The following PLCB1 variants were observed in gnomAD, a reference collection of about 807,000 sequenced individuals.
The protein encoded by PLCB1 is phospholipase C beta 1.
Under a neutral mutation model 161.8 loss-of-function variants are expected in PLCB1, and 46 were observed. That is an observed-to-expected ratio of 0.28 (90% CI 0.22 to 0.36). PLCB1 has a LOEUF of 0.36. PLCB1 is among the 10% of genes least tolerant of loss of function. The probability of loss-of-function intolerance (pLI) is 1.00; values close to 1 mark genes in which losing one functional copy is unlikely to be tolerated. For missense variants in PLCB1, 1,016 were observed against 1,472.5 expected, an observed-to-expected ratio of 0.69 and a Z score of 5.07; for synonymous variants, 517 against 503.7, an observed-to-expected ratio of 1.03 and a Z score of -0.35.
intron 3 of PLCB1, among the ~76,000 whole-genome samples, chr20:8,442,974 GT>G (rs772350951): frequency 5.9e-4 from 82 of 139,520 alleles, no homozygotes; most frequent in African/African-American, 4.7e-4. Context: ...TGAGTTTCTT[GT>G]TTTTTTTTTT....
At chr20:8,151,748 T>C (rs1209093861) in intron 2 of PLCB1, among the ~76,000 whole-genome samples, 1 of 152,202 alleles carries the variant, frequency 6.6e-6, no homozygotes, top group East Asian at 1.9e-4. Context: ...GTACTTATAA[T>C]GCCTAGAGCA....
chr20:8,443,169 A>C (rs1980649070), intron 3 of PLCB1, among the ~76,000 whole-genome samples: 7 of 151,966 alleles, frequency 4.6e-5, no homozygotes, highest in Admixed American at 4.6e-4. Flanking sequence ...TTTAGTAGAG[A>C]TGGGGTTTCA....
chr20:8,201,298 C>G (rs889199133), intron 2 of PLCB1, among the ~76,000 whole-genome samples: 4 of 151,860 alleles, frequency 2.6e-5, no homozygotes, highest in Admixed American at 1.3e-4. Flanking sequence ...CTCTGTTTTT[C>G]TTATATTTTG....
chr20:8,546,854 A>G (rs1985571533), intron 3 of PLCB1, among the ~76,000 whole-genome samples: 1 of 151,996 alleles, frequency 6.6e-6, no homozygotes, highest in Non-Finnish European at 1.5e-5. Context: ...ATCATAATAA[A>G]TGAGTTCTTT....
rs1193001880 is a variant in PLCB1 at position 8,132,959 on chromosome 20, G to A, written c.99+209G>A. Among the ~76,000 whole-genome samples the A allele has an allele frequency of 5.9e-5, 9 of 152,254 alleles. No homozygotes were observed. In the East Asian group the frequency reaches 1.6e-3, roughly 26 times the overall value. On this transcript the variant is annotated intron_variant, in intron 1 of 31. Coordinates refer to ENST00000338037, the MANE Select transcript of PLCB1 (RefSeq NM_015192.4). This position sits in a 1 kb window ranked among gnomAD's most constrained non-coding sequence, Gnocchi z 5.2. ...CCTGTTTCATCGGGCTTCAGTAGTT[G>A]CCATCCTTTCTGGGTCTGGCAGGCG...
chr20:8,146,882 C>G (rs1268343914), intron 1 of PLCB1, among the ~76,000 whole-genome samples: 4 of 152,160 alleles, frequency 2.6e-5, no homozygotes, highest in African/African-American at 9.6e-5. Flanking sequence ...TAGAAATTTA[C>G]TGAACATTAT....
At chr20:8,210,694 G>T (rs1268664336) in intron 2 of PLCB1, among the ~76,000 whole-genome samples, 1 of 151,970 alleles carries the variant, frequency 6.6e-6, no homozygotes, top group Non-Finnish European at 1.5e-5. Context: ...TTCAATCCTT[G>T]GAGTTGTAGT....
chr20:8,488,037 A>T (rs1419559541), intron 3 of PLCB1, among the ~76,000 whole-genome samples: 1 of 152,246 alleles, frequency 6.6e-6, no homozygotes, highest in Admixed American at 6.5e-5. Flanking sequence ...ACATGGATTC[A>T]ATGAATTCCT....
intron 2 of PLCB1, among the ~76,000 whole-genome samples, chr20:8,297,340 C>G (rs900800845): frequency 6.6e-6 from 1 of 152,002 alleles, no homozygotes; most frequent in South Asian, 2.1e-4. Flanking sequence ...AATTGTCAAT[C>G]TTTCCCCATT....
chr20:8,706,417 A>T (rs1978678178), intron 11 of PLCB1, among the ~76,000 whole-genome samples: 1 of 152,188 alleles, frequency 6.6e-6, no homozygotes, highest in African/African-American at 2.4e-5. Context: ...TATCAGGATG[A>T]TAGCAGTGGA....
chr20:8,217,616 G>C (rs997811408), intron 2 of PLCB1, among the ~76,000 whole-genome samples: 1 of 152,168 alleles, frequency 6.6e-6, no homozygotes, highest in African/African-American at 2.4e-5. Flanking sequence ...CCAGTAGGAT[G>C]ATGCATAGAG....
intron 1 of PLCB1, among the ~76,000 whole-genome samples, chr20:8,143,528 T>G (rs1434371715): frequency 3.9e-5 from 6 of 152,154 alleles, no homozygotes; most frequent in Admixed American, 3.9e-4. Flanking sequence ...GCTAAGCAAA[T>G]AGAGGTACAA....
At chr20:8,198,949 CAG>C (rs199608094) in intron 2 of PLCB1, among the ~76,000 whole-genome samples, 1 of 148,666 alleles carries the variant, frequency 6.7e-6, no homozygotes, top group East Asian at 2.0e-4. Context: ...GACAGACAGA[CAG>C]ACACACACAC....
chr20:8,785,948 G>C (rs1023715593), intron 27 of PLCB1, among the ~76,000 whole-genome samples: 6 of 152,048 alleles, frequency 3.9e-5, no homozygotes. Flanking sequence ...GTAGAATGAG[G>C]GAGGGTCCAC....
At chr20:8,670,531 C>T (rs925342060) in intron 9 of PLCB1, among the ~76,000 whole-genome samples, 2 of 152,138 alleles carry the variant, frequency 1.3e-5, no homozygotes, top group Non-Finnish European at 2.9e-5. Context: ...GCTGTATTTG[C>T]ACATAGTTAT....
At chr20:8,604,045 G>A (rs2123150375) in intron 3 of PLCB1, among the ~76,000 whole-genome samples, 1 of 152,212 alleles carries the variant, frequency 6.6e-6, no homozygotes, top group Admixed American at 6.5e-5. Context: ...ATGAGGCCAG[G>A]AGTTTGAGAT....
intron 3 of PLCB1, among the ~76,000 whole-genome samples, chr20:8,509,022 A>G (rs1318702053): frequency 6.6e-6 from 1 of 152,218 alleles, no homozygotes; most frequent in East Asian, 1.9e-4. Context: ...AACGGAGGGC[A>G]GACCACTCCG....
intron 3 of PLCB1, among the ~76,000 whole-genome samples, chr20:8,410,028 CTG>C (rs915599495): frequency 2.0e-5 from 3 of 152,050 alleles, no homozygotes; most frequent in African/African-American, 7.2e-5. Flanking sequence ...CTAATAAAAA[CTG>C]TAATTTTTTA....
At chr20:8,778,315 C>T (rs140942776) in intron 27 of PLCB1, among the ~76,000 whole-genome samples, 3,136 of 152,196 alleles carry the variant, frequency 0.021, 44 homozygotes, top group South Asian at 0.05. Flanking sequence ...GCCGAAGTCA[C>T]AAGAAAGTCA....
Sources: gnomAD v4.1 joint callset for allele counts (sites outside exome capture counted in the v4.1 genomes callset) on GRCh38, gnomAD v4.1.1 for gene constraint, Gnocchi (gnomAD v3.1) non-coding constraint, MANE v1.5 for transcripts, NCBI Gene and HGNC (gene_info 2026-07-23, HGNC 2026-07-21) for gene names.